NTRK2: variants seen among roughly 807,000 people sequenced by gnomAD.
NTRK2 encodes the protein BDNF/NT-3 growth factors receptor.
A neutral mutation model predicts 94.5 loss-of-function variants in NTRK2; 13 were observed. The observed-to-expected ratio is 0.14, with a 90% CI of 0.09 to 0.22. The LOEUF (loss-of-function observed/expected upper bound fraction) is 0.22, where lower values mean the gene tolerates loss of function less well. NTRK2 is among the 10% of genes least tolerant of loss of function. NTRK2 has a pLI of 1.00. For synonymous variants in NTRK2, 372 were observed against 407.4 expected, an observed-to-expected ratio of 0.91 and a Z score of 1.05; for missense variants, 639 against 1,071.2, an observed-to-expected ratio of 0.60 and a Z score of 5.63.
chr9:84,810,198 G>T (rs1416108139), intron 12 of NTRK2, among the ~76,000 whole-genome samples: 1 of 152,182 alleles, frequency 6.6e-6, no homozygotes, highest in Non-Finnish European at 1.5e-5. Flanking sequence ...AGGGTCATTT[G>T]TATTGTACAC....
intron 12 of NTRK2, among the ~76,000 whole-genome samples, chr9:84,860,271 C>G (rs77501284): frequency 0.045 from 6,850 of 152,212 alleles, 200 homozygotes; most frequent in African/African-American, 0.088. Context: ...GAGGAAAGAG[C>G]TGGGCTCAGG....
intron 17 of NTRK2, among the ~76,000 whole-genome samples, chr9:84,958,461 G>C (rs557666573): frequency 6.6e-6 from 1 of 152,316 alleles, no homozygotes; most frequent in African/African-American, 2.4e-5. Flanking sequence ...CTTCTGAAAT[G>C]ATCGGAAGAA....
chr9:84,878,340 A>G (rs534533975), intron 14 of NTRK2, among the ~76,000 whole-genome samples: 37 of 152,282 alleles, frequency 2.4e-4, no homozygotes, highest in African/African-American at 8.9e-4. Context: ...TTTCCTTAAA[A>G]TTCTGATATT....
intron 12 of NTRK2, among the ~76,000 whole-genome samples, chr9:84,788,939 A>G (rs2068430824): frequency 6.6e-6 from 1 of 152,182 alleles, no homozygotes; most frequent in South Asian, 2.1e-4. Context: ...CGCATCCTCT[A>G]CTTTGGCTCT....
At chr9:84,807,533 G>A (rs989064232) in intron 12 of NTRK2, among the ~76,000 whole-genome samples, 6 of 152,124 alleles carry the variant, frequency 3.9e-5, no homozygotes, top group South Asian at 2.1e-4. Flanking sequence ...CTGGTCTCAC[G>A]GTAACTACCA....
chr9:84,857,505 G>T (rs2075123886), intron 12 of NTRK2, among the ~76,000 whole-genome samples: 1 of 152,166 alleles, frequency 6.6e-6, no homozygotes, highest in Non-Finnish European at 1.5e-5. Flanking sequence ...AAAGTTTTAA[G>T]ACGACTGCTT....
chr9:84,854,803 C>A (rs1267615328), intron 12 of NTRK2, among the ~76,000 whole-genome samples: 1 of 151,816 alleles, frequency 6.6e-6, no homozygotes, highest in African/African-American at 2.4e-5. Context: ...AAAAATTAGC[C>A]GGGCATGATG....
chr9:84,920,428 A>G (rs2132568782), intron 14 of NTRK2, among the ~76,000 whole-genome samples: 1 of 152,226 alleles, frequency 6.6e-6, no homozygotes, highest in East Asian at 1.9e-4. Context: ...GCTATCTGGT[A>G]TGCTTCCAGA....
chr9:84,850,328 A>G (rs2074698810), intron 12 of NTRK2, among the ~76,000 whole-genome samples: 1 of 152,224 alleles, frequency 6.6e-6, no homozygotes, highest in Non-Finnish European at 1.5e-5. Context: ...CCCAGCATTT[A>G]TCACACTGTC....
intron 12 of NTRK2, among the ~76,000 whole-genome samples, chr9:84,850,706 C>T (rs1264694165): frequency 6.6e-6 from 1 of 152,180 alleles, no homozygotes; most frequent in African/African-American, 2.4e-5. Flanking sequence ...TAAGACTCAA[C>T]ACCCAAGGTA....
Position 84,670,927 on chromosome 9 carries a change from C to A in NTRK2, c.179C>A (p.Pro60His), listed in dbSNP as rs769089926. 1 of 1,608,004 alleles carries A rather than the reference C, an allele frequency of 6.2e-7. No homozygotes were observed. Among genetic ancestry groups the A allele is most frequent in the African/African-American group, 1.3e-5 (1 of 74,932 alleles). Residue 60 changes from proline (P) to histidine (H), a missense_variant, in exon 2 of 19, where the codon CCT becomes CAT. Pro to His is a moderately conservative substitution (Grantham distance 77). This residue lies in a region of NTRK2 where 206 missense variants were observed against 251.5 expected (regional missense o/e 0.82). Coordinates refer to ENST00000277120, the MANE Select transcript of NTRK2 (RefSeq NM_006180.6). Reference protein sequence around the residue: ...PGIVAFPRLEPNSVDPENITE... With the variant: ...PGIVAFPRLEHNSVDPENITE... ...ATCGTGGCATTTCCGAGATTGGAGC[C>A]TAACAGTGTAGATCCTGAGAACATC...
chr9:84,898,596 C>T (rs2076831509), intron 14 of NTRK2, among the ~76,000 whole-genome samples: 1 of 151,816 alleles, frequency 6.6e-6, no homozygotes, highest in Non-Finnish European at 1.5e-5. Flanking sequence ...AACCAAAGCC[C>T]AGGGATTGTT....
At chr9:84,975,521 A>T (rs1826731657) in intron 17 of NTRK2, among the ~76,000 whole-genome samples, 1 of 152,296 alleles carries the variant, frequency 6.6e-6, no homozygotes, top group Admixed American at 6.5e-5. Flanking sequence ...TTGTCATCAC[A>T]AGTCAAGTTG....
intron 17 of NTRK2, among the ~76,000 whole-genome samples, chr9:85,014,142 T>C (rs867905038): frequency 6.6e-6 from 1 of 151,996 alleles, no homozygotes; most frequent in African/African-American, 2.4e-5. Flanking sequence ...AAATGCAACA[T>C]TTGGGTCTGG....
intron 12 of NTRK2, chr9:84,810,402 G>T: frequency 1.2e-6 from 1 of 809,502 alleles, no homozygotes. Flanking sequence ...ATTGCTCTAT[G>T]GTTTAAAGTG....
intron 12 of NTRK2, among the ~76,000 whole-genome samples, chr9:84,833,092 T>C (rs2073663454): frequency 8.0e-6 from 1 of 125,142 alleles, no homozygotes; most frequent in Admixed American, 8.7e-5. Flanking sequence ...TTGGGCCTCA[T>C]TGGTGGTGGT....
chr9:85,025,946 C>A lies in NTRK2; in HGVS notation c.*4509C>A. 1 of 232,780 alleles carries A rather than the reference C, an allele frequency of 4.3e-6. No homozygotes were observed. Among genetic ancestry groups the A allele is most frequent in the Non-Finnish European group, 8.5e-6 (1 of 117,820 alleles). 14.4% of individuals were successfully genotyped at this position (232,780 alleles called of 1,614,324 possible). On this transcript the variant is annotated 3_prime_UTR_variant, in exon 19 of 19. Transcript: ENST00000277120. ...GGATTTATAGTTAGAAACGACAGTG[C>A]AGGAAGGGGTATTTTCTTGTTGTCA...
intron 14 of NTRK2, among the ~76,000 whole-genome samples, chr9:84,887,515 T>G (rs540527987): frequency 6.6e-6 from 1 of 152,264 alleles, no homozygotes; most frequent in Non-Finnish European, 1.5e-5. Flanking sequence ...ACATCACTTA[T>G]GATGCCTTTA....
chr9:84,834,806 G>T (rs2073776358), intron 12 of NTRK2, among the ~76,000 whole-genome samples: 2 of 152,086 alleles, frequency 1.3e-5, no homozygotes, highest in African/African-American at 4.8e-5. Flanking sequence ...AGCTTAGCAG[G>T]GCTGCCTGCT....
Sources: gnomAD v4.1 joint callset for allele counts (sites outside exome capture counted in the v4.1 genomes callset) on GRCh38, gnomAD v4.1.1 for gene constraint, gnomAD v4.1.1 regional missense constraint, MANE v1.5 for transcripts, NCBI Gene and HGNC (gene_info 2026-07-23, HGNC 2026-07-21) for gene names.